CHSY3: variants seen among roughly 807,000 people sequenced by gnomAD.
CHSY3 encodes the protein N-acetylgalactosaminyl-proteoglycan 3-beta-glucuronosyltransferase 3.
A neutral mutation model predicts 67.2 loss-of-function variants in CHSY3; 35 were observed. The observed-to-expected ratio is 0.52, with a 90% CI of 0.40 to 0.69. The LOEUF (loss-of-function observed/expected upper bound fraction) is 0.69. Among genes scored for constraint, CHSY3 ranks in the 30% least tolerant of loss-of-function variants. The pLI is 0.00. For missense variants in CHSY3, 1,069 were observed against 1,138.5 expected, an observed-to-expected ratio of 0.94 and a Z score of 0.88; for synonymous variants, 474 against 434.7, an observed-to-expected ratio of 1.09 and a Z score of -1.12.
intron 2 of CHSY3, among the ~76,000 whole-genome samples, chr5:129,955,728 C>G (rs2149604056): frequency 6.6e-6 from 1 of 152,160 alleles, no homozygotes; most frequent in African/African-American, 2.4e-5. Flanking sequence ...GTGTGTTGTT[C>G]CCCTCTATGT....
chr5:130,054,291 T>G (rs980333708), intron 2 of CHSY3, among the ~76,000 whole-genome samples: 2 of 152,212 alleles, frequency 1.3e-5, no homozygotes, highest in Admixed American at 1.3e-4. Flanking sequence ...GGATATAGCC[T>G]CCTATTTCCC....
At chr5:130,072,228 A>G (rs1410642804) in intron 2 of CHSY3, among the ~76,000 whole-genome samples, 4 of 152,084 alleles carry the variant, frequency 2.6e-5, no homozygotes, top group African/African-American at 9.7e-5. Context: ...CATTGCCAAG[A>G]GCAATGTTTT....
intron 2 of CHSY3, among the ~76,000 whole-genome samples, chr5:130,122,256 G>GT (rs1366950578): frequency 6.6e-6 from 1 of 152,050 alleles, no homozygotes; most frequent in Non-Finnish European, 1.5e-5. Context: ...TATATTTGTT[G>GT]TTTTCCTGTC....
chr5:130,076,453 T>A (rs797010338), intron 2 of CHSY3, among the ~76,000 whole-genome samples: 2 of 150,918 alleles, frequency 1.3e-5, no homozygotes, highest in African/African-American at 4.9e-5. Flanking sequence ...AAAAGAAACC[T>A]TTTTTTTTCC....
At chr5:129,912,406 C>T (rs867644143) in intron 2 of CHSY3, among the ~76,000 whole-genome samples, 1 of 152,186 alleles carries the variant, frequency 6.6e-6, no homozygotes, top group Middle Eastern at 3.4e-3. Context: ...GGGCTTGTCT[C>T]TCAAGGCAGT....
intron 2 of CHSY3, among the ~76,000 whole-genome samples, chr5:129,918,835 C>T (rs1322647422): frequency 2.0e-5 from 3 of 149,974 alleles, no homozygotes; most frequent in Admixed American, 6.6e-5. Flanking sequence ...TGGCCGGGCG[C>T]GGTGGCTCAC....
At chr5:129,992,280 C>T (rs1227428917) in intron 2 of CHSY3, among the ~76,000 whole-genome samples, 1 of 152,176 alleles carries the variant, frequency 6.6e-6, no homozygotes, top group Non-Finnish European at 1.5e-5. Flanking sequence ...TTCAGTAGTA[C>T]ATTACTTTGG....
chr5:129,981,846 A>T (rs1181008444), intron 2 of CHSY3, among the ~76,000 whole-genome samples: 2 of 152,156 alleles, frequency 1.3e-5, no homozygotes, highest in African/African-American at 4.8e-5. Flanking sequence ...TTTTGTAGGT[A>T]TTCTTTATCA....
At chr5:130,088,546 C>T (rs1319833150) in intron 2 of CHSY3, among the ~76,000 whole-genome samples, 3 of 152,032 alleles carry the variant, frequency 2.0e-5, no homozygotes, top group Non-Finnish European at 2.9e-5. Context: ...ACAACCCCAT[C>T]GAAAAGTGGG....
chr5:130,152,303 C>A (rs1769255080), intron 2 of CHSY3, among the ~76,000 whole-genome samples: 1 of 152,312 alleles, frequency 6.6e-6, no homozygotes, highest in African/African-American at 2.4e-5. Context: ...TCCATAAAAG[C>A]TGTGGTCTTC....
chr5:130,179,519 G>C (rs1413583608), intron 2 of CHSY3, among the ~76,000 whole-genome samples: 3 of 151,964 alleles, frequency 2.0e-5, no homozygotes, highest in Non-Finnish European at 4.4e-5. Context: ...GCCTGTGATA[G>C]AGTTTATTTT....
rs191686144 is a variant in CHSY3, at chr5:130,141,883, G to T, written c.1087-42346G>T. 2.8e-4 allele frequency: 70 copies of T among 250,244 alleles called. 1 individual carries two copies. The East Asian group carries it at 8.3e-3, about 30-fold the overall frequency. 15.5% of individuals were successfully genotyped at this position (250,244 alleles called of 1,614,324 possible). The stretch of plus-strand genomic sequence containing the variant: ...AGGCACACCAGAAGGAATGCCTGGG[G>T]GATTCCCTGATGGTGGAGCTCCCTC... On this transcript the variant is annotated intron_variant, in intron 2 of 2. Transcript: ENST00000305031.
chr5:129,919,113 C>CAAAAAA (rs35333880), intron 2 of CHSY3, among the ~76,000 whole-genome samples: 3 of 73,426 alleles, frequency 4.1e-5, no homozygotes, highest in East Asian at 4.0e-4. Context: ...GACTCCGTCT[C>CAAAAAA]AAAAAAAAAA....
intron 2 of CHSY3, among the ~76,000 whole-genome samples, chr5:130,169,510 A>T (rs970315457): frequency 1.3e-5 from 2 of 152,098 alleles, no homozygotes; most frequent in Non-Finnish European, 2.9e-5. Flanking sequence ...GCTGACACTC[A>T]CAGAAGTATA....
At chr5:129,927,649 G>T (rs1464915962) in intron 2 of CHSY3, among the ~76,000 whole-genome samples, 1 of 152,006 alleles carries the variant, frequency 6.6e-6, no homozygotes, top group East Asian at 1.9e-4. Context: ...AGGTTTTATT[G>T]TATAGTGGCA....
At chr5:130,166,134 A>G (rs963572506) in intron 2 of CHSY3, among the ~76,000 whole-genome samples, 14 of 152,174 alleles carry the variant, frequency 9.2e-5, no homozygotes, top group African/African-American at 3.1e-4. Context: ...TACTAATTAT[A>G]GTTTTATTCC....
chr5:129,989,271 T>TC (rs887758230), intron 2 of CHSY3, among the ~76,000 whole-genome samples: 25 of 150,706 alleles, frequency 1.7e-4, no homozygotes, highest in African/African-American at 5.6e-4. Flanking sequence ...TCTTTTTTTT[T>TC]TTTTTTTGAG....
intron 2 of CHSY3, among the ~76,000 whole-genome samples, chr5:130,093,481 A>G (rs534373212): frequency 6.6e-6 from 1 of 152,292 alleles, no homozygotes; most frequent in South Asian, 2.1e-4. Context: ...CACATAAGAA[A>G]ATACACACAA....
At chr5:130,128,249 T>G (rs1306928064) in intron 2 of CHSY3, among the ~76,000 whole-genome samples, 12 of 150,544 alleles carry the variant, frequency 8.0e-5, no homozygotes, top group Non-Finnish European at 1.3e-4. Context: ...TGTGTGTGTG[T>G]GTGTGCGCTC....
Sources: allele counts gnomAD v4.1 joint callset (sites outside exome capture counted in the v4.1 genomes callset), GRCh38; gene constraint gnomAD v4.1.1; transcripts MANE v1.5; gene names NCBI Gene and HGNC (gene_info 2026-07-23, HGNC 2026-07-21).